The following NUMB variants were observed in gnomAD, a reference collection of about 807,000 sequenced individuals.
NUMB encodes the protein NUMB endocytic adaptor protein.
In NUMB, 29 loss-of-function variants were observed where a neutral mutation model predicts 59.7. That is an observed-to-expected ratio of 0.49 (90% CI 0.36 to 0.66). NUMB has a LOEUF of 0.66. Ranked by LOEUF, NUMB falls within the 30% of genes least tolerant of loss-of-function variation. The pLI, the probability that NUMB is intolerant of heterozygous loss-of-function variation, is 0.00. For missense variants in NUMB, 723 were observed against 822.0 expected, an observed-to-expected ratio of 0.88 and a Z score of 1.47; for synonymous variants, 288 against 288.2, an observed-to-expected ratio of 1.00 and a Z score of 0.01.
At chr14:73,277,918 CGTG>C (rs1392654437) in intron 12 of NUMB, among the ~76,000 whole-genome samples, 1 of 151,512 alleles carries the variant, frequency 6.6e-6, no homozygotes, top group Non-Finnish European at 1.5e-5. Context: ...ATTAGCTGGG[CGTG>C]GTGGTATGCA....
chr14:73,334,423 T>A (rs962822300), intron 4 of NUMB, among the ~76,000 whole-genome samples: 6 of 152,184 alleles, frequency 3.9e-5, no homozygotes, highest in African/African-American at 1.4e-4. Context: ...TATTTTCCTA[T>A]ATACTCTGGT....
chr14:73,401,475 G>C (rs1896410356), intron 2 of NUMB, among the ~76,000 whole-genome samples: 1 of 149,340 alleles, frequency 6.7e-6, no homozygotes, highest in Non-Finnish European at 1.5e-5. Flanking sequence ...ACAAAACAAA[G>C]AAGTACAGAT....
At chr14:73,340,356 C>A (rs1410382129) in intron 4 of NUMB, among the ~76,000 whole-genome samples, 1 of 152,176 alleles carries the variant, frequency 6.6e-6, no homozygotes, top group East Asian at 1.9e-4. Context: ...TGCCCAAAAA[C>A]CAACCCCACC....
Position 73,287,199 on chromosome 14 carries a change from A to C in NUMB, c.566T>G (p.Phe189Cys). The change falls in exon 9 of 13, where the codon TTT (phenylalanine) becomes TGT (cysteine). Residue 189 changes from phenylalanine (F) to cysteine (C), a missense_variant. Physicochemically the swap from Phe to Cys is radical, Grantham distance 205. Coordinates refer to ENST00000555238, the MANE Select transcript of NUMB (RefSeq NM_001005743.2). ...TATFDASRTT[F>C]TREGSFRVTT... ...GACACGGAATGATCCTTCTCTTGTAAAAGTGGTCCGACTAGCATCAAAAGT... is the reference window on the plus strand; with the variant it reads ...GACACGGAATGATCCTTCTCTTGTACAAGTGGTCCGACTAGCATCAAAAGT... 1 of 1,613,758 alleles carries C rather than the reference A, an allele frequency of 6.2e-7. No individual in the cohort carries two copies. The highest frequency in any genetic ancestry group is 8.5e-7 in the Non-Finnish European group (1 of 1,179,970).
intron 2 of NUMB, among the ~76,000 whole-genome samples, chr14:73,398,070 G>A (rs1204717780): frequency 1.3e-5 from 2 of 152,098 alleles, no homozygotes; most frequent in East Asian, 1.9e-4. Flanking sequence ...AGCCTGCAAT[G>A]CATGTGCTAT....
intron 6 of NUMB, among the ~76,000 whole-genome samples, chr14:73,309,753 TAATAAA>T (rs200989878): frequency 0.059 from 8,445 of 143,442 alleles, 579 homozygotes; most frequent in African/African-American, 0.17. Context: ...ATAATAATAA[TAATAAA>T]AATAGGATCC....
At chr14:73,389,763 T>C (rs1472293978) in intron 2 of NUMB, among the ~76,000 whole-genome samples, 4 of 152,242 alleles carry the variant, frequency 2.6e-5, no homozygotes, top group South Asian at 2.1e-4. Flanking sequence ...TATAATTCAA[T>C]AGTCACTGTT....
At chr14:73,372,470 T>G (rs1894760014) in intron 2 of NUMB, among the ~76,000 whole-genome samples, 1 of 148,068 alleles carries the variant, frequency 6.8e-6, no homozygotes, top group Admixed American at 6.8e-5. Flanking sequence ...TGTATTTATA[T>G]TTATACAGAT....
intron 1 of NUMB, among the ~76,000 whole-genome samples, chr14:73,453,748 C>A (rs944486617): frequency 6.6e-5 from 10 of 151,976 alleles, no homozygotes; most frequent in African/African-American, 2.4e-4. Flanking sequence ...GCTGGGACTA[C>A]AGTCGCGTGC....
In NUMB at chr14:73,277,222, A is replaced by T; in HGVS notation, c.1312T>A (p.Ser438Thr). 6.2e-7 allele frequency: 1 copy of T among 1,614,044 alleles called. No individual in the cohort carries two copies. ...TCTTCTAACCATCGGTCGGCCTCAG[A>T]GGGAGTACGTCTATGACCGGCCTGG... ...LFQAGHRRTPSEADRWLEEVS... is the reference protein window; with the variant it reads ...LFQAGHRRTPTEADRWLEEVS... The change falls in exon 13 of 13, where the codon TCT becomes ACT. Residue 438 changes from serine (S) to threonine (T), a missense_variant. Coordinates refer to ENST00000555238, the MANE Select transcript of NUMB (RefSeq NM_001005743.2).
intron 6 of NUMB, among the ~76,000 whole-genome samples, chr14:73,314,166 G>A (rs1163539047): frequency 6.6e-6 from 1 of 152,148 alleles, no homozygotes. Context: ...TTACTTACTA[G>A]CACCTTTTGA....
At chr14:73,344,717 T>A (rs541014988) in intron 4 of NUMB, among the ~76,000 whole-genome samples, 27 of 152,296 alleles carry the variant, frequency 1.8e-4, no homozygotes, top group African/African-American at 6.3e-4. Flanking sequence ...TAAGTATGAA[T>A]CCTACATTCA....
At position 73,297,191 on chromosome 14, in the gene NUMB, AT is replaced by A. The variant is rs1443390202; in HGVS notation, c.309+19del. 21 of 1,500,712 alleles carry A rather than the reference AT, an allele frequency of 1.4e-5. No homozygotes were observed. Among genetic ancestry groups the A allele is most frequent in the Non-Finnish European group, 1.9e-5 (21 of 1,084,208 alleles). The allele number at this position is 1,500,712 out of a possible 1,614,324, so 93.0% of individuals were successfully genotyped here. On this transcript the variant is annotated intron_variant, in intron 7 of 12. Transcript: ENST00000555238. ...TCCAAAAAAAATAAAATAAATCAAA[AT>A]AAAAATAAAGAATCTTACCTTAGTT...
chr14:73,425,743 T>G (rs930845237), intron 1 of NUMB, among the ~76,000 whole-genome samples: 1 of 152,074 alleles, frequency 6.6e-6, no homozygotes, highest in Non-Finnish European at 1.5e-5. Flanking sequence ...TATAAGTGTG[T>G]ATAATCTCAT....
chr14:73,299,226 T>C (rs886297526), intron 6 of NUMB: 6 of 152,052 alleles, frequency 3.9e-5, no homozygotes, highest in Non-Finnish European at 8.8e-5. Flanking sequence ...GGAGATAGAG[T>C]AGGAAAGGCC....
chr14:73,277,236 T>C lies in NUMB; in HGVS notation c.1298A>G (p.His433Arg). 6.2e-7 allele frequency: 1 copy of C among 1,613,514 alleles called. No individual in the cohort carries two copies. The highest frequency in any genetic ancestry group is 8.5e-7 in the Non-Finnish European group (1 of 1,179,554). Residue 433 changes from histidine to arginine, a missense_variant, in exon 13 of 13, where the codon CAT becomes CGT. His to Arg is a conservative substitution (Grantham distance 29). This residue lies in a region of NUMB where 406 missense variants were observed against 385.4 expected (regional missense o/e 1.05). Coordinates refer to ENST00000555238, the MANE Select transcript of NUMB (RefSeq NM_001005743.2). Reference protein sequence around the residue: ...AASPGLFQAGHRRTPSEADRW... With the variant: ...AASPGLFQAGRRRTPSEADRW... ...GTCGGCCTCAGAGGGAGTACGTCTA[T>C]GACCGGCCTGGAAGAGACCTGGAGA...
chr14:73,279,454 G>C, intron 11 of NUMB, 30 bp from the exon 12 acceptor site: 1 of 1,549,296 alleles, frequency 6.5e-7, no homozygotes, highest in South Asian at 1.3e-5. Flanking sequence ...CATCAATGGA[G>C]TTAATTCATG....
At chr14:73,447,606 G>A (rs1883612129) in intron 1 of NUMB, among the ~76,000 whole-genome samples, 1 of 150,958 alleles carries the variant, frequency 6.6e-6, no homozygotes, top group Admixed American at 6.6e-5. Flanking sequence ...GGGAGACTGA[G>A]GCAGGAGGAT....
chr14:73,289,584 ATTAG>A (rs1348210013), intron 8 of NUMB, among the ~76,000 whole-genome samples: 1 of 152,218 alleles, frequency 6.6e-6, no homozygotes, highest in Non-Finnish European at 1.5e-5. Context: ...GCATGACAGT[ATTAG>A]TTATCATAAG....
Sources: gnomAD v4.1 joint callset for allele counts (sites outside exome capture counted in the v4.1 genomes callset) on GRCh38, gnomAD v4.1.1 for gene constraint, gnomAD v4.1.1 regional missense constraint, MANE v1.5 for transcripts, NCBI Gene and HGNC (gene_info 2026-07-23, HGNC 2026-07-21) for gene names.